The following RFC1 variants were observed in gnomAD, a reference collection of about 807,000 sequenced individuals.
The protein encoded by RFC1 is A1 140 kDa subunit.
In RFC1, 37 loss-of-function variants were observed where a neutral mutation model predicts 137.4. That is an observed-to-expected ratio of 0.27 (90% CI 0.21 to 0.35). The LOEUF (loss-of-function observed/expected upper bound fraction) is 0.35, where lower values mean the gene tolerates loss of function less well. Among genes scored for constraint, RFC1 ranks in the 10% least tolerant of loss-of-function variants. RFC1 has a pLI of 1.00. For missense variants in RFC1, 1,205 were observed against 1,358.5 expected, an observed-to-expected ratio of 0.89 and a Z score of 1.78; for synonymous variants, 429 against 455.7, an observed-to-expected ratio of 0.94 and a Z score of 0.75.
chr4:39,355,096 A>ATACACACACACACACAC (rs59993299), intron 1 of RFC1, among the ~76,000 whole-genome samples: 3 of 60,160 alleles, frequency 5.0e-5, no homozygotes, highest in Non-Finnish European at 6.4e-5. Context: ...AAAAAAAAAA[A>ATACACACACACACACAC]ATACACACAC....
chr4:39,296,399 C>A (rs931695215), intron 21 of RFC1, among the ~76,000 whole-genome samples: 2 of 98,244 alleles, frequency 2.0e-5, no homozygotes, highest in African/African-American at 3.9e-5. Flanking sequence ...CTATCCCTCC[C>A]CCCTCCCCCC....
At chr4:39,305,852 T>C (rs1738620451) in intron 14 of RFC1, among the ~76,000 whole-genome samples, 1 of 152,090 alleles carries the variant, frequency 6.6e-6, no homozygotes, top group African/African-American at 2.4e-5. Context: ...AGGAAAAAAA[T>C]GTTGTTTTGC....
In RFC1 at chr4:39,348,424, A is replaced by AAAAAGAAAAGAAAAGAAAAGAAAAG. The variant is rs201554512; in HGVS notation, c.132+2899_132+2923dup. On this transcript the variant is annotated intron_variant, in intron 2 of 24. Coordinates refer to ENST00000349703, the MANE Select transcript of RFC1 (RefSeq NM_002913.5). ...GGCAACAGAGCAAGACTCTGTTTCA[A>AAAAAGAAAAGAAAAGAAAAGAAAAG]AAAAGAAAAGAAAAGAAAAGAAAAG... is the stretch of plus-strand genomic sequence containing the variant. Among the ~76,000 whole-genome samples the AAAAAGAAAAGAAAAGAAAAGAAAAG allele has an allele frequency of 7.9e-3, 564 of 71,798 alleles. 42 individuals are homozygous for AAAAAGAAAAGAAAAGAAAAGAAAAG. Among genetic ancestry groups the AAAAAGAAAAGAAAAGAAAAGAAAAG allele is most frequent in the African/African-American group, 0.025 (516 of 20,618 alleles). The allele number at this position is 71,798 out of a possible 152,430, so 47.1% of individuals were successfully genotyped here.
intron 7 of RFC1, among the ~76,000 whole-genome samples, chr4:39,322,115 T>A (rs1392807296): frequency 1.3e-5 from 2 of 151,846 alleles, no homozygotes; most frequent in Non-Finnish European, 2.9e-5. Context: ...AAAATAAAAA[T>A]AAAAAAATTA....
intron 4 of RFC1, among the ~76,000 whole-genome samples, chr4:39,332,258 C>T (rs1740138235): frequency 6.6e-6 from 1 of 152,180 alleles, no homozygotes; most frequent in East Asian, 1.9e-4. Context: ...CATCCTAGAA[C>T]TCTCTGACCC....
rs1318653305 is a variant in RFC1, at chr4:39,306,623, C to T, written c.1964G>A (p.Gly655Asp). The change falls in exon 14 of 25, where the codon GGC becomes GAC. Residue 655 changes from glycine to aspartate, a missense_variant. This residue lies in a region of RFC1 where 962 missense variants were observed against 1,035.3 expected (regional missense o/e 0.93). Coordinates refer to ENST00000349703, the MANE Select transcript of RFC1 (RefSeq NM_002913.5). Reference sequence around the variant, plus strand: ...CACCAGGGAAGCTGTGGTGGTTTTGCCAACACCAGGAGGGCCTGACAGCAA... The same window carrying T: ...CACCAGGGAAGCTGTGGTGGTTTTGTCAACACCAGGAGGGCCTGACAGCAA... ...AALLSGPPGV[G>D]KTTTASLVCQ... is the part of the protein sequence containing the mutation. 1 of 1,611,538 alleles carries T rather than the reference C, an allele frequency of 6.2e-7. No homozygotes were observed. The highest frequency in any genetic ancestry group is 8.5e-7 in the Non-Finnish European group (1 of 1,177,716).
intron 1 of RFC1, among the ~76,000 whole-genome samples, chr4:39,354,723 G>A (rs147495737): frequency 8.1e-6 from 1 of 122,700 alleles, no homozygotes. Context: ...TTCAAGTTCA[G>A]CCTGGACAAC....
At chr4:39,364,840 C>G (rs1231301369) in intron 1 of RFC1, among the ~76,000 whole-genome samples, 1 of 152,068 alleles carries the variant, frequency 6.6e-6, no homozygotes, top group Non-Finnish European at 1.5e-5. Flanking sequence ...TTTACTTGCC[C>G]AAGACCACGT....
In RFC1 at chr4:39,351,351, G is replaced by C. The variant is rs761691796; in HGVS notation, c.129C>G (p.Ile43Met). 6.8e-6 allele frequency: 10 copies of C among 1,461,486 alleles called. No homozygotes were observed. In the South Asian group the frequency reaches 1.3e-4, roughly 20 times the overall value. The allele number at this position is 1,461,486 out of a possible 1,614,324, so 90.5% of individuals were successfully genotyped here. A position where few individuals can be genotyped will look rare whatever the true frequency, so the allele number is the denominator to read the frequency against. Reference sequence around the variant, plus strand: ...AAATTATACCCAGAAAACTAACCTTGATTTCCTTTATTCCTTTCTTTGCTT... The same window carrying C: ...AAATTATACCCAGAAAACTAACCTTCATTTCCTTTATTCCTTTCTTTGCTT... ...TLKAKKGIKE[I>M]KVNSSRKEDD... is the part of the protein sequence containing the mutation. Residue 43 changes from isoleucine to methionine, a missense_variant, in exon 2 of 25, where the codon ATC becomes ATG. Ile to Met is a conservative substitution (Grantham distance 10). Around this residue, in one of 3 missense-constraint regions of RFC1, gnomAD observed 962 missense variants for 1,035.3 expected, o/e 0.93. Transcript: ENST00000349703.
rs764438591 is a variant in RFC1 at position 39,327,770 on chromosome 4, T to C, written c.332-14A>G. 6.5e-7 allele frequency: 1 copy of C among 1,532,942 alleles called. No individual in the cohort carries two copies. The highest frequency in any genetic ancestry group is 1.2e-5 in the South Asian group (1 of 82,112). The allele number at this position is 1,532,942 out of a possible 1,614,324, so 95.0% of individuals were successfully genotyped here. A position where few individuals can be genotyped will look rare whatever the true frequency, so the allele number is the denominator to read the frequency against. On this transcript the variant is annotated splice_polypyrimidine_tract_variant and intron_variant, in intron 4 of 24. Transcript: ENST00000349703. ...CATCTTCTTCATCTTAAATGAAATG[T>C]AACCAAATATTTTTTATAAAACATC...
chr4:39,310,212 TA>T (rs1223208036), intron 12 of RFC1, among the ~76,000 whole-genome samples: 2 of 152,006 alleles, frequency 1.3e-5, no homozygotes, highest in Non-Finnish European at 2.9e-5. Context: ...CAGTACTCAT[TA>T]AAAGTGTCAA....
intron 15 of RFC1, among the ~76,000 whole-genome samples, chr4:39,304,170 C>A (rs1423371609): frequency 6.6e-6 from 1 of 152,170 alleles, no homozygotes; most frequent in East Asian, 1.9e-4. Context: ...AACAACACAC[C>A]ATAGACTCTA....
At position 39,320,406 on chromosome 4, in the gene RFC1, T is replaced by C; in HGVS notation, c.1072A>G (p.Lys358Glu). The C allele has an allele frequency of 6.4e-7, 1 of 1,555,212 alleles. No homozygotes were observed. Among genetic ancestry groups the C allele is most frequent in the African/African-American group, 1.4e-5 (1 of 71,254 alleles). ...KGETKTPKKT[K>E]SSPAKKESVS... ...ACCTCTTTTTTAGCTGGAGAACTTTTGGTTTTCTTAGGAGTTTTTGTCTCT... is the reference window on the plus strand; with the variant it reads ...ACCTCTTTTTTAGCTGGAGAACTTTCGGTTTTCTTAGGAGTTTTTGTCTCT... Residue 358 changes from lysine (K) to glutamate (E), a missense_variant, in exon 9 of 25, where the codon AAA becomes GAA. This residue lies in a region of RFC1 where 962 missense variants were observed against 1,035.3 expected (regional missense o/e 0.93). Coordinates refer to ENST00000349703, the MANE Select transcript of RFC1 (RefSeq NM_002913.5).
At chr4:39,322,529 A>G (rs1343847108) in intron 7 of RFC1, 1 of 152,260 alleles carries the variant, frequency 6.6e-6, no homozygotes, top group East Asian at 1.9e-4. Context: ...GACAGTGATT[A>G]ATACTGAAGT....
intron 22 of RFC1, among the ~76,000 whole-genome samples, chr4:39,293,975 G>A (rs1388805253): frequency 5.9e-5 from 9 of 152,302 alleles, no homozygotes; most frequent in East Asian, 1.9e-4. Flanking sequence ...AAGGCCTGGC[G>A]TAGCATCCTC....
At chr4:39,309,132 T>C in intron 12 of RFC1, 100 bp from the exon 13 acceptor site, 1 of 1,296,244 alleles carries the variant, frequency 7.7e-7, no homozygotes, top group Non-Finnish European at 1.0e-6. Flanking sequence ...GATATCCAAG[T>C]GGGCTACTCA....
chr4:39,306,498 ACATG>A, intron 14 of RFC1, 90 bp downstream of exon 14: 1 of 681,652 alleles, frequency 1.5e-6, no homozygotes, highest in Non-Finnish European at 2.7e-6. Context: ...CCACACACAC[ACATG>A]CACACGCACA....
intron 8 of RFC1, 148 bp downstream of exon 8, chr4:39,321,139 T>C (rs112701913): frequency 1.6e-6 from 1 of 608,106 alleles, no homozygotes; most frequent in South Asian, 2.5e-5. Flanking sequence ...GCTTTCAAAG[T>C]TTCTAAGTTC....
chr4:39,330,095 G>C (rs947083117), intron 4 of RFC1, among the ~76,000 whole-genome samples: 4 of 151,948 alleles, frequency 2.6e-5, no homozygotes, highest in Non-Finnish European at 4.4e-5. Context: ...GTGGGGATGG[G>C]GGACGGTTCA....
Sources: allele counts gnomAD v4.1 joint callset (sites outside exome capture counted in the v4.1 genomes callset), GRCh38; gene constraint gnomAD v4.1.1; regional missense constraint gnomAD v4.1.1; transcripts MANE v1.5; gene names NCBI Gene and HGNC (gene_info 2026-07-23, HGNC 2026-07-21).